Variants in SLIT2 observed in about 807,000 individuals in gnomAD.
SLIT2 encodes the protein slit homolog 2 protein.
Under a neutral mutation model 185.7 loss-of-function variants are expected in SLIT2, and 41 were observed. The observed-to-expected ratio is 0.22, with a 90% CI of 0.17 to 0.29. The LOEUF is 0.29. SLIT2 is among the 10% of genes least tolerant of loss of function. The probability of loss-of-function intolerance (pLI) is 1.00; values close to 1 mark genes in which losing one functional copy is unlikely to be tolerated. For missense variants in SLIT2, 1,571 were observed against 1,909.0 expected (o/e 0.82, Z 3.30); for synonymous variants, 693 against 680.2 (o/e 1.02, Z -0.29).
At chr4:20,305,241 G>A (rs1043562468) in intron 4 of SLIT2, among the ~76,000 whole-genome samples, 1 of 151,972 alleles carries the variant, frequency 6.6e-6, no homozygotes, top group Non-Finnish European at 1.5e-5. Context: ...AACAGGAGGT[G>A]TAAATACACA....
At position 20,587,338 on chromosome 4, in the gene SLIT2, C is replaced by T. The variant is rs567255639; in HGVS notation, c.3089-2306C>T. Among the ~76,000 whole-genome samples the T allele has an allele frequency of 1.7e-4, 26 of 152,178 alleles. No individual in the cohort carries two copies. In the South Asian group the frequency reaches 3.5e-3, roughly 21 times the overall value. ...TGGCCAAAAATCAAATCATTTTTGA[C>T]GTTGTCAACCTATCTTACTAAGGTC... On this transcript the variant is annotated intron_variant, in intron 29 of 36. Transcript: ENST00000504154.
intron 4 of SLIT2, among the ~76,000 whole-genome samples, chr4:20,415,252 A>C (rs761994747): frequency 6.6e-6 from 1 of 152,100 alleles, no homozygotes; most frequent in African/African-American, 2.4e-5. Context: ...TCTACTAAAA[A>C]TACAAAAAAT....
intron 4 of SLIT2, among the ~76,000 whole-genome samples, chr4:20,429,960 A>G (rs755142039): frequency 5.3e-5 from 8 of 152,204 alleles, no homozygotes; most frequent in Non-Finnish European, 1.2e-4. Context: ...ATAAATAAGG[A>G]TAACAAATTA....
chr4:20,331,706 G>C (rs1056430367), intron 4 of SLIT2, among the ~76,000 whole-genome samples: 3 of 151,894 alleles, frequency 2.0e-5, no homozygotes, highest in Admixed American at 6.6e-5. Context: ...TATTCATAGA[G>C]TTGTGTAACC....
intron 30 of SLIT2, among the ~76,000 whole-genome samples, chr4:20,592,360 G>A (rs1462858560): frequency 6.6e-6 from 1 of 152,114 alleles, no homozygotes; most frequent in Non-Finnish European, 1.5e-5. Flanking sequence ...TCTAAACAGT[G>A]TATTTTATAT....
At chr4:20,549,865 C>A (rs1244347025) in intron 24 of SLIT2, among the ~76,000 whole-genome samples, 14 of 151,924 alleles carry the variant, frequency 9.2e-5, no homozygotes, top group Non-Finnish European at 2.1e-4. Context: ...TCATCTTCAT[C>A]TTTACTGTGA....
rs747165909 is a variant in SLIT2 at position 20,553,897 on chromosome 4, G to C, written c.2654G>C (p.Arg885Pro). 1 of 1,612,940 alleles carries C rather than the reference G, an allele frequency of 6.2e-7. No individual in the cohort carries two copies. The highest frequency in any genetic ancestry group is 1.1e-5 in the South Asian group (1 of 90,794). The change falls in exon 26 of 37, where the codon CGT (arginine) becomes CCT (proline). Residue 885 changes from arginine (R) to proline (P), a missense_variant. Coordinates refer to ENST00000504154, the MANE Select transcript of SLIT2 (RefSeq NM_004787.4). ...KSEYKEPGIARCAGPGEMADK... is the reference protein window; with the variant it reads ...KSEYKEPGIAPCAGPGEMADK... ...GAATATAAGGAGCCTGGAATTGCTC[G>C]TTGTGCTGGTCCTGGAGAAATGGCA...
At chr4:20,534,796 C>T (rs1722121393) in intron 18 of SLIT2, among the ~76,000 whole-genome samples, 1 of 152,084 alleles carries the variant, frequency 6.6e-6, no homozygotes, top group Admixed American at 6.5e-5. Flanking sequence ...CCACAGCCAG[C>T]AAGATGTGTT....
At chr4:20,296,309 A>T (rs1168535502) in intron 4 of SLIT2, among the ~76,000 whole-genome samples, 1 of 152,206 alleles carries the variant, frequency 6.6e-6, no homozygotes, top group East Asian at 1.9e-4. Context: ...TAAAGCAATG[A>T]TCTGAACTAG....
At chr4:20,422,473 C>T (rs1034494064) in intron 4 of SLIT2, among the ~76,000 whole-genome samples, 2 of 152,124 alleles carry the variant, frequency 1.3e-5, no homozygotes, top group African/African-American at 2.4e-5. Flanking sequence ...ACTATTTGAT[C>T]ATTTTGATTG....
chr4:20,403,897 T>TA (rs11462563), intron 4 of SLIT2, among the ~76,000 whole-genome samples: 79,330 of 145,946 alleles, frequency 0.54, 21,696 homozygotes, highest in African/African-American at 0.61. Flanking sequence ...TAACTGGACT[T>TA]AAAAAAAAAA....
chr4:20,513,861 T>C (rs1719964311), intron 11 of SLIT2, among the ~76,000 whole-genome samples: 1 of 152,116 alleles, frequency 6.6e-6, no homozygotes, highest in Admixed American at 6.6e-5. Flanking sequence ...GAGGGAACGG[T>C]TAAGTACTAA....
intron 4 of SLIT2, among the ~76,000 whole-genome samples, chr4:20,300,073 T>C (rs1716898087): frequency 6.6e-6 from 1 of 152,142 alleles, no homozygotes; most frequent in Non-Finnish European, 1.5e-5. Flanking sequence ...TTTAGTATAA[T>C]ATTTTATGGT....
At chr4:20,524,673 C>A (rs758749562) in intron 14 of SLIT2, among the ~76,000 whole-genome samples, 11 of 152,152 alleles carry the variant, frequency 7.2e-5, no homozygotes, top group Non-Finnish European at 1.5e-4. Context: ...AGTTTGCATT[C>A]TCTTATTTTG....
chr4:20,374,725 G>A (rs1723876420), intron 4 of SLIT2, among the ~76,000 whole-genome samples: 1 of 150,138 alleles, frequency 6.7e-6, no homozygotes, highest in Non-Finnish European at 1.5e-5. Context: ...TTATTTTCCT[G>A]TTTCTTCTGC....
At chr4:20,304,727 G>A (rs181075922) in intron 4 of SLIT2, among the ~76,000 whole-genome samples, 2 of 152,196 alleles carry the variant, frequency 1.3e-5, no homozygotes, top group African/African-American at 2.4e-5. Context: ...CTCCCAGCCA[G>A]TCCCAGCGCT....
chr4:20,530,804 C>T (rs890889889), intron 16 of SLIT2, among the ~76,000 whole-genome samples: 6 of 151,884 alleles, frequency 4.0e-5, no homozygotes, highest in Non-Finnish European at 8.8e-5. Context: ...AGGTATTTTA[C>T]TCAGCTAATG....
chr4:20,578,160 G>T (rs1454741870), intron 29 of SLIT2, among the ~76,000 whole-genome samples: 2 of 152,182 alleles, frequency 1.3e-5, no homozygotes, highest in Non-Finnish European at 2.9e-5. Flanking sequence ...CCTGCAAGAA[G>T]CAATCAAATA....
intron 29 of SLIT2, among the ~76,000 whole-genome samples, chr4:20,573,417 CTA>C (rs1725794419): frequency 6.6e-6 from 1 of 152,116 alleles, no homozygotes; most frequent in African/African-American, 2.4e-5. Flanking sequence ...GATGTTTAAT[CTA>C]TGCATCGCTA....
Sources: allele counts gnomAD v4.1 joint callset (sites outside exome capture counted in the v4.1 genomes callset), GRCh38; gene constraint gnomAD v4.1.1; transcripts MANE v1.5; gene names NCBI Gene and HGNC (gene_info 2026-07-23, HGNC 2026-07-21).